Variants in NINL observed in about 807,000 individuals in gnomAD.
NINL encodes ninein like.
Under a neutral mutation model 160.3 loss-of-function variants are expected in NINL, and 153 were observed. That is an observed-to-expected ratio of 0.95 (90% CI 0.84 to 1.09). The LOEUF (loss-of-function observed/expected upper bound fraction) is 1.09, where lower values mean the gene tolerates loss of function less well. Among genes scored for constraint, NINL ranks in the 50% least tolerant of loss-of-function variants. NINL has a pLI of 0.00. For missense variants in NINL, 1,829 were observed against 1,764.0 expected, an observed-to-expected ratio of 1.04 and a Z score of -0.66; for synonymous variants, 800 against 734.8, an observed-to-expected ratio of 1.09 and a Z score of -1.43.
At position 25,476,251 on chromosome 20, in the gene NINL, CA is replaced by C; in HGVS notation, c.3039del (p.Ser1013ArgfsTer37). On this transcript the variant is annotated frameshift_variant, in exon 17 of 24. Transcript: ENST00000278886. LOFTEE classifies it high-confidence loss of function. ...GALEPGCHKH[S>X]VEVARRGSLP... ...AAGGACCCTCTCCTGGCAACCTCCA[CA>C]CTGTGCTTGTGACACCCAGGCTCCA... is the stretch of plus-strand genomic sequence containing the variant. 6.2e-7 allele frequency: 1 copy of C among 1,614,024 alleles called. No individual in the cohort carries two copies. The highest frequency in any genetic ancestry group is 8.5e-7 in the Non-Finnish European group (1 of 1,180,006).
At chr20:25,474,352 C>T (rs750734467) in intron 17 of NINL, among the ~76,000 whole-genome samples, 18 of 152,208 alleles carry the variant, frequency 1.2e-4, no homozygotes, top group Admixed American at 2.0e-4. Context: ...ACTAAAACAT[C>T]GCACTTTTGT....
At chr20:25,483,693 C>G (rs911794201) in intron 13 of NINL, among the ~76,000 whole-genome samples, 3 of 152,274 alleles carry the variant, frequency 2.0e-5, no homozygotes, top group Non-Finnish European at 4.4e-5. Context: ...GCATTTGTGG[C>G]CAGCTTAATT....
intron 10 of NINL, among the ~76,000 whole-genome samples, chr20:25,494,043 G>T (rs948213462): frequency 3.3e-5 from 5 of 151,878 alleles, no homozygotes; most frequent in Non-Finnish European, 7.4e-5. Context: ...ACTCCAGGGG[G>T]CCCACAGGCC....
chr20:25,551,382 TA>T (rs545637352), intron 1 of NINL, among the ~76,000 whole-genome samples: 65 of 122,398 alleles, frequency 5.3e-4, no homozygotes, highest in African/African-American at 1.2e-3. Flanking sequence ...AATAAATAAA[TA>T]AAAAAAAAAA....
rs1037780090 is a variant in NINL, at chr20:25,461,577, C to T, written c.3641G>A (p.Ser1214Asn). The T allele has an allele frequency of 1.2e-6, 2 of 1,608,936 alleles. No homozygotes were observed. The highest frequency in any genetic ancestry group is 2.7e-5 in the African/African-American group (2 of 74,618). The change falls in exon 21 of 24, where the codon AGC becomes AAC. Residue 1214 changes from serine to asparagine, a missense_variant. Coordinates refer to ENST00000278886, the MANE Select transcript of NINL (RefSeq NM_025176.6). ...ELECLNQEHQ[S>N]LQLPWSELTQ... Reference sequence around the variant, plus strand: ...CAGCTCTGACCATGGCAGCTGCAGGCTCTGATGTTCCTGATTCAGGCATTC... The same window carrying T: ...CAGCTCTGACCATGGCAGCTGCAGGTTCTGATGTTCCTGATTCAGGCATTC...
chr20:25,528,197 T>C (rs978640219), intron 1 of NINL, among the ~76,000 whole-genome samples: 1 of 152,132 alleles, frequency 6.6e-6, no homozygotes, highest in Non-Finnish European at 1.5e-5. Context: ...GCCCAGCTAA[T>C]TTATTTAAAA....
intron 11 of NINL, 50 bp downstream of exon 11, chr20:25,491,301 A>T: frequency 1.3e-6 from 2 of 1,548,676 alleles, no homozygotes; most frequent in Non-Finnish European, 1.7e-6. Flanking sequence ...GGGTGTGGGG[A>T]ATGCTCAGGC....
At chr20:25,560,252 T>C (rs1365044742) in intron 1 of NINL, among the ~76,000 whole-genome samples, 1 of 152,226 alleles carries the variant, frequency 6.6e-6, no homozygotes, top group Non-Finnish European at 1.5e-5. Flanking sequence ...CCTGGCCTAT[T>C]AAATACTGTT....
intron 14 of NINL, among the ~76,000 whole-genome samples, chr20:25,481,285 C>T (rs962594675): frequency 7.9e-5 from 12 of 152,024 alleles, no homozygotes; most frequent in Non-Finnish European, 1.5e-4. Flanking sequence ...GCAGTGGACA[C>T]GGAGCCATGT....
chr20:25,493,463 C>T (rs907439538), intron 10 of NINL, among the ~76,000 whole-genome samples: 2 of 152,108 alleles, frequency 1.3e-5, no homozygotes, highest in African/African-American at 4.8e-5. Flanking sequence ...GAGGGGGCGT[C>T]CAGGGAGAGG....
chr20:25,546,101 G>A (rs900909337), intron 1 of NINL, among the ~76,000 whole-genome samples: 1 of 151,876 alleles, frequency 6.6e-6, no homozygotes. Flanking sequence ...ACAGAGTCGT[G>A]CCCTAACTGC....
rs756574018 is a variant in NINL, at chr20:25,491,497, G to A, written c.1339C>T (p.Leu447=). The part of the protein sequence containing the change: ...KHLEQGYRER[L]SLLRSEVEAE... ...TCCACCTCAGACCGCAGGAGGCTCAGCCTTTCCCGGTACCCCTGCTCCAGA... is the reference window on the plus strand; with the variant it reads ...TCCACCTCAGACCGCAGGAGGCTCAACCTTTCCCGGTACCCCTGCTCCAGA... Residue 447 remains leucine (L), a synonymous_variant, in exon 11 of 24, where the codon CTG becomes TTG. Coordinates refer to ENST00000278886, the MANE Select transcript of NINL (RefSeq NM_025176.6). 1.2e-6 allele frequency: 2 copies of A among 1,613,994 alleles called. No individual in the cohort carries two copies.
chr20:25,523,624 C>T (rs1327063450), intron 2 of NINL, among the ~76,000 whole-genome samples: 4 of 151,810 alleles, frequency 2.6e-5, no homozygotes, highest in Non-Finnish European at 5.9e-5. Flanking sequence ...ACTACAAGGA[C>T]TGGATATGTA....
At chr20:25,521,440 T>C (rs1268055935) in intron 2 of NINL, among the ~76,000 whole-genome samples, 1 of 152,256 alleles carries the variant, frequency 6.6e-6, no homozygotes, top group Non-Finnish European at 1.5e-5. Context: ...CCATTGTCAG[T>C]TGTTTCTGCT....
At chr20:25,550,327 C>T (rs554059083) in intron 1 of NINL, among the ~76,000 whole-genome samples, 1 of 152,254 alleles carries the variant, frequency 6.6e-6, no homozygotes, top group Non-Finnish European at 1.5e-5. Context: ...TGACCCGTGA[C>T]TGTGCCCCTG....
intron 1 of NINL, among the ~76,000 whole-genome samples, chr20:25,555,984 TAAAA>T (rs143658285): frequency 6.9e-6 from 1 of 144,412 alleles, no homozygotes; most frequent in Non-Finnish European, 1.5e-5. Context: ...TTATTTTCAA[TAAAA>T]AAAAAAAACA....
At chr20:25,472,323 GGATATATATATATATA>G (rs1352210042) in intron 17 of NINL, among the ~76,000 whole-genome samples, 7 of 54,628 alleles carry the variant, frequency 1.3e-4, no homozygotes, top group African/African-American at 4.7e-4. Flanking sequence ...TGGGAGGAGA[GGATATATATATATATA>G]TATATATATA....
intron 10 of NINL, among the ~76,000 whole-genome samples, chr20:25,494,647 A>C (rs976967939): frequency 7.2e-5 from 11 of 152,144 alleles, no homozygotes; most frequent in African/African-American, 2.7e-4. Context: ...TGTCCCAGCC[A>C]CCCCCTATGG....
intron 7 of NINL, 99 bp downstream of exon 7, chr20:25,503,853 G>A (rs1007304999): frequency 2.5e-5 from 36 of 1,421,402 alleles, no homozygotes; most frequent in South Asian, 1.2e-5. Flanking sequence ...TGGACAGCTT[G>A]TTGTGTGGTG....
Sources: gnomAD v4.1 joint callset for allele counts (sites outside exome capture counted in the v4.1 genomes callset) on GRCh38, gnomAD v4.1.1 for gene constraint, MANE v1.5 for transcripts, NCBI Gene and HGNC (gene_info 2026-07-23, HGNC 2026-07-21) for gene names.